The following GRIK2 variants were observed in gnomAD, a reference collection of about 807,000 sequenced individuals.
GRIK2 encodes the protein glutamate receptor ionotropic, kainate 2.
A neutral mutation model predicts 100.3 loss-of-function variants in GRIK2; 32 were observed. The observed-to-expected ratio is 0.32, with a 90% CI of 0.24 to 0.43. GRIK2 has a LOEUF of 0.43. GRIK2 is among the 20% of genes least tolerant of loss of function. The probability of loss-of-function intolerance (pLI) is 1.00; values close to 1 mark genes in which losing one functional copy is unlikely to be tolerated. For missense variants in GRIK2, 843 were observed against 1,114.9 expected (o/e 0.76, Z 3.47); for synonymous variants, 417 against 389.4 (o/e 1.07, Z -0.83).
chr6:101,476,237 A>G (rs1327409197), intron 2 of GRIK2, among the ~76,000 whole-genome samples: 1 of 152,112 alleles, frequency 6.6e-6, no homozygotes, highest in East Asian at 1.9e-4. Context: ...GAGAACAAGC[A>G]GTTATCTATG....
rs1413597653 is a variant in GRIK2 at position 101,487,973 on chromosome 6, T to C, written c.115+88581T>C. Among the ~76,000 whole-genome samples the C allele has an allele frequency of 1.4e-5, 2 of 146,578 alleles. 1 individual carries two copies. The highest frequency in any genetic ancestry group is 5.2e-5 in the African/African-American group (2 of 38,536). The stretch of plus-strand genomic sequence containing the variant: ...AATCTGTATTTTTACCTTCTTTTGA[T>C]TTTTGGCTAAAAATTATGTTCAGAT... On this transcript the variant is annotated intron_variant, in intron 2 of 16. Coordinates refer to ENST00000369134, the MANE Select transcript of GRIK2 (RefSeq NM_021956.5).
intron 2 of GRIK2, among the ~76,000 whole-genome samples, chr6:101,581,281 T>C (rs1184221828): frequency 7.1e-6 from 1 of 140,740 alleles, no homozygotes; most frequent in African/African-American, 2.8e-5. Context: ...TATACATGTA[T>C]ACACACGTGT....
rs79518764 is a variant in GRIK2 at position 101,465,092 on chromosome 6, T to A, written c.115+65700T>A. On this transcript the variant is annotated intron_variant, in intron 2 of 16. Coordinates refer to ENST00000369134, the MANE Select transcript of GRIK2 (RefSeq NM_021956.5). ...GGATCTTGACTTTCCTTGGATAATTTTTTTTGCCTGCTGACTCTTAATTTT... is the reference window on the plus strand; with the variant it reads ...GGATCTTGACTTTCCTTGGATAATTATTTTTGCCTGCTGACTCTTAATTTT... 1.6e-4 allele frequency among the ~76,000 whole-genome samples: 24 copies of A among 152,264 alleles called. No individual in the cohort carries two copies. In the South Asian group the frequency reaches 4.4e-3, roughly 28 times the overall value.
chr6:101,667,016 G>A (rs956088792), intron 4 of GRIK2, among the ~76,000 whole-genome samples: 2 of 152,160 alleles, frequency 1.3e-5, no homozygotes, highest in African/African-American at 4.8e-5. Context: ...GAAAACTAAA[G>A]TTTAAAACAT....
At chr6:102,017,000 C>T (rs1215455738) in intron 14 of GRIK2, among the ~76,000 whole-genome samples, 1 of 152,060 alleles carries the variant, frequency 6.6e-6, no homozygotes, top group African/African-American at 2.4e-5. Flanking sequence ...GAACTCCCAA[C>T]CAAGAGTTCC....
chr6:101,905,994 C>A (rs922138924), intron 12 of GRIK2, among the ~76,000 whole-genome samples: 1 of 151,486 alleles, frequency 6.6e-6, no homozygotes, highest in Admixed American at 6.6e-5. Flanking sequence ...TAGTTTAATA[C>A]AGCAACTAAA....
intron 7 of GRIK2, among the ~76,000 whole-genome samples, chr6:101,729,687 T>TG (rs1373249443): frequency 1.3e-5 from 2 of 148,704 alleles, no homozygotes; most frequent in Non-Finnish European, 3.0e-5. Flanking sequence ...GACCGTGGTG[T>TG]GGGAAGAGAG....
rs544279816 is a variant in GRIK2, at chr6:101,440,317, A to T, written c.115+40925A>T. On this transcript the variant is annotated intron_variant, in intron 2 of 16. Coordinates refer to ENST00000369134, the MANE Select transcript of GRIK2 (RefSeq NM_021956.5). ...TTCAATTGACATTAACAAAAACTGG[A>T]CAGAAAAAACAGATTTTATGAAGAA... is the stretch of plus-strand genomic sequence containing the variant. 3.3e-5 allele frequency among the ~76,000 whole-genome samples: 5 copies of T among 152,318 alleles called. No homozygotes were observed. The South Asian group carries it at 8.3e-4, about 25-fold the overall frequency.
intron 14 of GRIK2, among the ~76,000 whole-genome samples, chr6:101,940,714 T>C (rs1289403314): frequency 6.6e-6 from 1 of 152,144 alleles, no homozygotes; most frequent in East Asian, 1.9e-4. Flanking sequence ...AAAGTAGTAG[T>C]GTACTCTAAA....
intron 2 of GRIK2, among the ~76,000 whole-genome samples, chr6:101,451,491 T>C (rs1047950410): frequency 5.9e-5 from 9 of 151,680 alleles, no homozygotes; most frequent in Non-Finnish European, 1.3e-4. Flanking sequence ...ACTAGACTAA[T>C]TATGTGGAAT....
intron 2 of GRIK2, among the ~76,000 whole-genome samples, chr6:101,406,765 T>C (rs1203399107): frequency 1.3e-5 from 2 of 152,148 alleles, no homozygotes; most frequent in Admixed American, 6.5e-5. Flanking sequence ...CCGCCAGACA[T>C]CCCAATGCTT....
intron 14 of GRIK2, among the ~76,000 whole-genome samples, chr6:101,954,349 G>C (rs1791782203): frequency 6.6e-6 from 1 of 152,136 alleles, no homozygotes; most frequent in Non-Finnish European, 1.5e-5. Flanking sequence ...CCATGCACTT[G>C]AGATGTTTTT....
chr6:101,889,376 G>T (rs1786881337), intron 11 of GRIK2, among the ~76,000 whole-genome samples: 1 of 151,674 alleles, frequency 6.6e-6, no homozygotes, highest in Non-Finnish European at 1.5e-5. Flanking sequence ...TTAATTCTAT[G>T]AAGTTTTTTT....
chr6:101,898,664 G>A (rs1214468666), intron 12 of GRIK2, among the ~76,000 whole-genome samples: 7 of 151,854 alleles, frequency 4.6e-5, no homozygotes. Flanking sequence ...AAAATTATTA[G>A]CTACGTGTTA....
intron 2 of GRIK2, among the ~76,000 whole-genome samples, chr6:101,580,793 T>G (rs1032984472): frequency 1.3e-5 from 2 of 152,100 alleles, no homozygotes; most frequent in African/African-American, 4.8e-5. Flanking sequence ...TACACTTTGC[T>G]GTTCCTTTTA....
chr6:101,752,231 T>C (rs1776836770), intron 7 of GRIK2, among the ~76,000 whole-genome samples: 1 of 152,212 alleles, frequency 6.6e-6, no homozygotes, highest in African/African-American at 2.4e-5. Flanking sequence ...TTAATTATTT[T>C]ATTTTGGTCA....
At chr6:101,408,783 A>G (rs1164496746) in intron 2 of GRIK2, among the ~76,000 whole-genome samples, 1 of 152,092 alleles carries the variant, frequency 6.6e-6, no homozygotes, top group African/African-American at 2.4e-5. Flanking sequence ...GAACACCCTC[A>G]CAGACACACC....
intron 7 of GRIK2, among the ~76,000 whole-genome samples, chr6:101,728,580 G>A (rs1775034112): frequency 2.0e-5 from 3 of 152,008 alleles, no homozygotes; most frequent in South Asian, 2.1e-4. Context: ...ATTCTGACAG[G>A]CACTCATATA....
intron 10 of GRIK2, among the ~76,000 whole-genome samples, chr6:101,850,680 AAT>A (rs1289207786): frequency 6.6e-6 from 1 of 152,052 alleles, no homozygotes; most frequent in African/African-American, 2.4e-5. Context: ...TGCAGATAAA[AAT>A]ATATGAGTTA....
Sources: allele counts gnomAD v4.1 joint callset (sites outside exome capture counted in the v4.1 genomes callset), GRCh38; gene constraint gnomAD v4.1.1; transcripts MANE v1.5; gene names NCBI Gene and HGNC (gene_info 2026-07-23, HGNC 2026-07-21).